Variants in DYNC1H1 observed in about 807,000 individuals in gnomAD.
The protein encoded by DYNC1H1 is dynein cytoplasmic 1 heavy chain 1, also known as cytoplasmic dynein 1 heavy chain 1.
In DYNC1H1, 51 loss-of-function variants were observed where a neutral mutation model predicts 527.1. That is an observed-to-expected ratio of 0.10 (90% CI 0.08 to 0.12). The LOEUF (loss-of-function observed/expected upper bound fraction) is 0.12, where lower values mean the gene tolerates loss of function less well. DYNC1H1 is among the 10% of genes least tolerant of loss of function. The pLI is 1.00. For synonymous variants in DYNC1H1, 2,189 were observed against 2,278.8 expected (o/e 0.96, Z 1.12); for missense variants, 2,771 against 5,971.8 (o/e 0.46, Z 17.66).
At chr14:101,981,808 T>C (rs2047868297) in intron 5 of DYNC1H1, among the ~76,000 whole-genome samples, 1 of 152,216 alleles carries the variant, frequency 6.6e-6, no homozygotes, top group Admixed American at 6.5e-5. Flanking sequence ...AGTCAATAAA[T>C]AGATTAGGAT....
At chr14:102,040,479 A>G (rs1461653797) in intron 63 of DYNC1H1, 69 bp downstream of exon 63, 1 of 1,612,748 alleles carries the variant, frequency 6.2e-7, no homozygotes, top group African/African-American at 1.3e-5. Context: ...AAGGAATTGC[A>G]TGTGGTATAA....
At chr14:101,991,694 G>A in intron 11 of DYNC1H1, 21 bp downstream of exon 11, 1 of 1,614,080 alleles carries the variant, frequency 6.2e-7, no homozygotes, top group Non-Finnish European at 8.5e-7. Context: ...GGTGACTCGA[G>A]GCACACGCCT....
At chr14:101,998,937 A>C (rs2048098732) in intron 16 of DYNC1H1, among the ~76,000 whole-genome samples, 1 of 131,522 alleles carries the variant, frequency 7.6e-6, no homozygotes, top group Admixed American at 8.9e-5. Flanking sequence ...GCTGGAGTGC[A>C]GTGGCGCAAT....
intron 9 of DYNC1H1, among the ~76,000 whole-genome samples, chr14:101,987,953 C>G (rs1011100160): frequency 2.6e-5 from 4 of 152,090 alleles, no homozygotes; most frequent in African/African-American, 9.7e-5. Context: ...TGATGAGCAC[C>G]TGTAGTCCCA....
chr14:102,019,916 A>G lies in DYNC1H1; in HGVS notation c.8367A>G (p.Gln2789=), dbSNP rs1386906135. 3.7e-6 allele frequency: 6 copies of G among 1,614,064 alleles called. No homozygotes were observed. In the Admixed American group the frequency reaches 5.0e-5, roughly 13 times the overall value. The change falls in exon 42 of 78, where the codon CAA becomes CAG. Residue 2789 remains glutamine, a synonymous_variant. Coordinates refer to ENST00000360184, the MANE Select transcript of DYNC1H1 (RefSeq NM_001376.5). ...AGGAGAGATTCACCCAGGATACACA[A>G]CCTCACTATATCTATTCACCCCGTG... ...MSQERFTQDT[Q]PHYIYSPREM...
In DYNC1H1 at chr14:102,004,619, C is replaced by T. The variant is rs1386055609; in HGVS notation, c.4985C>T (p.Ser1662Leu). 2 of 1,614,160 alleles carry T rather than the reference C, an allele frequency of 1.2e-6. No individual in the cohort carries two copies. The highest frequency in any genetic ancestry group is 1.7e-5 in the Admixed American group (1 of 60,026). The change falls in exon 24 of 78, where the codon TCG (serine) becomes TTG (leucine). Residue 1662 changes from serine to leucine, a missense_variant. By Grantham distance (145) the Ser-to-Leu change is moderately radical. Transcript: ENST00000360184. ...TTCAAGAAGATGTTTGCTGGAGTTT[C>T]GAGCATCATCCTGAACGAGGATAAC... ...KHFKKMFAGV[S>L]SIILNEDNSV...
In DYNC1H1 at chr14:102,033,855, C is replaced by A. The variant is rs1051103309; in HGVS notation, c.10414-121C>A. 4.7e-6 allele frequency: 5 copies of A among 1,060,682 alleles called. No homozygotes were observed. Among genetic ancestry groups the A allele is most frequent in the Non-Finnish European group, 7.0e-6 (5 of 709,738 alleles). The allele number at this position is 1,060,682 out of a possible 1,614,324, so 65.7% of individuals were successfully genotyped here. A position where few individuals can be genotyped will look rare whatever the true frequency, so the allele number is the denominator to read the frequency against. On this transcript the variant is annotated intron_variant, in intron 54 of 77. Coordinates refer to ENST00000360184, the MANE Select transcript of DYNC1H1 (RefSeq NM_001376.5). The surrounding 1 kb of genome is among the most constrained non-coding windows in gnomAD (Gnocchi z 5.6). ...TCATCTCCTCTGGGACTGTGAACAA[C>A]TTGGGCACGTTTCTAACCCACCCAA...
At chr14:101,998,294 G>A (rs2048087952) in intron 16 of DYNC1H1, among the ~76,000 whole-genome samples, 1 of 148,284 alleles carries the variant, frequency 6.7e-6, no homozygotes, top group Non-Finnish European at 1.5e-5. Context: ...TAACACAAAC[G>A]CCTGGACCCC....
At position 102,000,574 on chromosome 14, in the gene DYNC1H1, T is replaced by C. The variant is rs988770349; in HGVS notation, c.4074+175T>C. On this transcript the variant is annotated intron_variant, in intron 18 of 77. Transcript: ENST00000360184. ...ATACTGTAAAACTTATTTTGAAACC[T>C]TTTTTTTTTTTTTTTTTGAGACGGA... 3.1e-4 allele frequency: 36 copies of C among 114,364 alleles called. No homozygotes were observed. In the East Asian group the frequency reaches 6.6e-3, roughly 21 times the overall value. The allele number at this position is 114,364 out of a possible 1,614,324, so 7.1% of individuals were successfully genotyped here.
chr14:101,979,559 A>C lies in DYNC1H1; in HGVS notation c.518+67A>C. ...ACAAGATAGTATAGAACTCGGTGTA[A>C]AACTTGGGAATTGGGAGGGTAACGC... On this transcript the variant is annotated intron_variant, in intron 3 of 77. Coordinates refer to ENST00000360184, the MANE Select transcript of DYNC1H1 (RefSeq NM_001376.5). This position sits in a 1 kb window ranked among gnomAD's most constrained non-coding sequence, Gnocchi z 4.6. 1 of 1,611,138 alleles carries C rather than the reference A, an allele frequency of 6.2e-7. No homozygotes were observed. Among genetic ancestry groups the C allele is most frequent in the Non-Finnish European group, 8.5e-7 (1 of 1,178,244 alleles).
rs749431112 is a variant in DYNC1H1 at position 102,042,136 on chromosome 14, T to C, written c.12214+12T>C. On this transcript the variant is annotated intron_variant, in intron 66 of 77. Transcript: ENST00000360184. This position sits in a 1 kb window ranked among gnomAD's most constrained non-coding sequence, Gnocchi z 5.7. ...TTCAATTGCAATCGGTAAGGATGCTTGAGGGGCTTCATGGGCTGGAGCCCT... is the reference window on the plus strand; with the variant it reads ...TTCAATTGCAATCGGTAAGGATGCTCGAGGGGCTTCATGGGCTGGAGCCCT... The C allele has an allele frequency of 5.6e-6, 9 of 1,613,872 alleles. No individual in the cohort carries two copies. The East Asian group carries it at 2.0e-4, about 36-fold the overall frequency.
Position 102,044,879 on chromosome 14 carries a change from G to C in DYNC1H1, c.13006+181G>C. 1 of 677,642 alleles carries C rather than the reference G, an allele frequency of 1.5e-6. No homozygotes were observed. The allele number at this position is 677,642 out of a possible 1,614,324, so 42.0% of individuals were successfully genotyped here. A position where few individuals can be genotyped will look rare whatever the true frequency, so the allele number is the denominator to read the frequency against. ...TCCTGCCAGTCTCCAGCTGCTCCTA[G>C]CTCCACTCCGAGGGGAGGCAGAGGA... is the stretch of plus-strand genomic sequence containing the variant. On this transcript the variant is annotated intron_variant, in intron 72 of 77. Coordinates refer to ENST00000360184, the MANE Select transcript of DYNC1H1 (RefSeq NM_001376.5). This position sits in a 1 kb window ranked among gnomAD's most constrained non-coding sequence, Gnocchi z 7.1.
intron 27 of DYNC1H1, 113 bp downstream of exon 27, chr14:102,006,283 G>A: frequency 6.8e-7 from 1 of 1,479,176 alleles, no homozygotes; most frequent in Non-Finnish European, 9.1e-7. Flanking sequence ...CGCCCAGGCT[G>A]GAGCACAGTG....
Position 102,044,198 on chromosome 14 carries a change from G to T in DYNC1H1, c.12685-76G>T. On this transcript the variant is annotated intron_variant, in intron 70 of 77. Coordinates refer to ENST00000360184, the MANE Select transcript of DYNC1H1 (RefSeq NM_001376.5). The surrounding 1 kb of genome is among the most constrained non-coding windows in gnomAD (Gnocchi z 7.1). ...CTGGCCATGGGGAGTGAGGAGGAAA[G>T]CTGTGCCCCTCGAAAGGAAGCCCCG... is the stretch of plus-strand genomic sequence containing the variant. 6.3e-7 allele frequency: 1 copy of T among 1,594,170 alleles called. No individual in the cohort carries two copies. The highest frequency in any genetic ancestry group is 8.5e-7 in the Non-Finnish European group (1 of 1,171,192).
chr14:102,053,541 C>A lies in DYNC1H1; in HGVS notation c.*2978C>A, dbSNP rs970923149. The A allele has an allele frequency of 6.6e-6, 1 of 151,128 alleles. No homozygotes were observed. Among genetic ancestry groups the A allele is most frequent in the Admixed American group, 6.6e-5 (1 of 15,164 alleles). The allele number at this position is 151,128 out of a possible 1,614,324, so 9.4% of individuals were successfully genotyped here. On this transcript the variant is annotated 3_prime_UTR_variant, in exon 78 of 78. Coordinates refer to ENST00000360184, the MANE Select transcript of DYNC1H1 (RefSeq NM_001376.5). Reference sequence around the variant, plus strand: ...TCGGCTCACTGCAAGCTCCGCCTCCCAGGTTCACGCCATTCTCCTGCCTCA... The same window carrying A: ...TCGGCTCACTGCAAGCTCCGCCTCCAAGGTTCACGCCATTCTCCTGCCTCA...
At chr14:102,035,529 G>A (rs2152593025) in intron 56 of DYNC1H1, 1 of 152,390 alleles carries the variant, frequency 6.6e-6, no homozygotes, top group South Asian at 2.1e-4. Flanking sequence ...ACTTCTAGGT[G>A]TTCATTCAAC....
rs773179267 is a variant in DYNC1H1, at chr14:102,030,147, A to G, written c.9763-15A>G. ...CCAATGCTTAACCCATACCTAAGCC[A>G]TCCCTCCTTTCTAGGTTATGAGCCA... On this transcript the variant is annotated splice_polypyrimidine_tract_variant and intron_variant, in intron 50 of 77. Transcript: ENST00000360184. 5.6e-6 allele frequency: 9 copies of G among 1,614,136 alleles called. No homozygotes were observed. The highest frequency in any genetic ancestry group is 7.6e-6 in the Non-Finnish European group (9 of 1,180,038).
At chr14:102,007,999 G>A (rs1199933535) in intron 28 of DYNC1H1, among the ~76,000 whole-genome samples, 179 bp from the exon 29 acceptor site, 2 of 152,184 alleles carry the variant, frequency 1.3e-5, no homozygotes, top group African/African-American at 4.8e-5. Context: ...CAGTCCTGTG[G>A]ATCAGCGGCC....
intron 1 of DYNC1H1, among the ~76,000 whole-genome samples, 160 bp from the exon 2 acceptor site, chr14:101,975,552 T>G (rs1952644650): frequency 6.6e-6 from 1 of 151,182 alleles, no homozygotes; most frequent in Admixed American, 6.6e-5. Flanking sequence ...AAGTCAGGAG[T>G]GAGGAAAAAA....
Sources: gnomAD v4.1 joint callset for allele counts (sites outside exome capture counted in the v4.1 genomes callset) on GRCh38, gnomAD v4.1.1 for gene constraint, Gnocchi (gnomAD v3.1) non-coding constraint, MANE v1.5 for transcripts, NCBI Gene and HGNC (gene_info 2026-07-23, HGNC 2026-07-21) for gene names.